Variants in DHRSX observed in about 807,000 individuals in gnomAD.
The protein encoded by DHRSX is dehydrogenase/reductase X-linked, also known as polyprenol dehydrogenase.
In DHRSX, 31 loss-of-function variants were observed where a neutral mutation model predicts 34.0. That is an observed-to-expected ratio of 0.91 (90% CI 0.69 to 1.23). DHRSX has a LOEUF of 1.23. Among genes scored for constraint, DHRSX ranks in the 50% most tolerant of loss-of-function variants. The pLI is 0.00. For missense variants in DHRSX, 414 were observed against 428.1 expected (o/e 0.97, Z 0.29); for synonymous variants, 201 against 183.8 (o/e 1.09, Z -0.76).
At chrX:2,303,793 GTGGGTGGGTGGGTGGA>G (rs1166962531) in intron 3 of DHRSX, among the ~76,000 whole-genome samples, 2 of 35,856 alleles carry the variant, frequency 5.6e-5, no homozygotes, top group African/African-American at 1.5e-4. Flanking sequence ...GGATGGATGG[GTGGGTGGGTGGGTGGA>G]TGGGTGGGTG....
chrX:2,437,117 C>A (rs1042719967), intron 1 of DHRSX, among the ~76,000 whole-genome samples: 10 of 152,096 alleles, frequency 6.6e-5, no homozygotes, highest in Admixed American at 2.6e-4. Flanking sequence ...CTTGCCTCAG[C>A]CTCCCGAGTA....
intron 3 of DHRSX, among the ~76,000 whole-genome samples, chrX:2,355,281 G>A (rs1284562912): frequency 1.3e-5 from 2 of 152,236 alleles, no homozygotes; most frequent in African/African-American, 2.4e-5. Flanking sequence ...CGAAGCCGAG[G>A]ACGACGGATT....
chrX:2,259,367 T>TATATATAGATATATATATAG (rs1018726169), intron 5 of DHRSX, among the ~76,000 whole-genome samples: 185 of 80,296 alleles, frequency 2.3e-3, no homozygotes, highest in African/African-American at 7.7e-3. Flanking sequence ...TAGATATAGA[T>TATATATAGATATATATATAG]ATATATAGAT....
At chrX:2,448,322 G>C (rs2044166536) in intron 1 of DHRSX, among the ~76,000 whole-genome samples, 1 of 152,116 alleles carries the variant, frequency 6.6e-6, no homozygotes. Context: ...GATAGGGTGA[G>C]ACTGTCTCAA....
At chrX:2,275,741 G>A (rs1327370274) in intron 4 of DHRSX, among the ~76,000 whole-genome samples, 1 of 151,272 alleles carries the variant, frequency 6.6e-6, no homozygotes, top group Non-Finnish European at 1.5e-5. Context: ...GTGAGAAGAG[G>A]TTGTGCCACT....
At chrX:2,344,617 G>C (rs1030772893) in intron 3 of DHRSX, among the ~76,000 whole-genome samples, 2 of 151,958 alleles carry the variant, frequency 1.3e-5, no homozygotes, top group African/African-American at 4.8e-5. Flanking sequence ...CACAAGAACA[G>C]AAAAGCAAAC....
At chrX:2,246,748 G>GAAAAGAAAGAAAGAA (rs2016305747) in intron 5 of DHRSX, among the ~76,000 whole-genome samples, 1 of 103,778 alleles carries the variant, frequency 9.6e-6, no homozygotes, top group Non-Finnish European at 2.3e-5. Flanking sequence ...AAGAAAGAAA[G>GAAAAGAAAGAAAGAA]AAAAAGAAAG....
At position 2,266,751 on chromosome X, in the gene DHRSX, G is replaced by A. The variant is rs146726635; in HGVS notation, c.585C>T (p.Asp195=). 3.1e-5 allele frequency: 50 copies of A among 1,613,954 alleles called. No homozygotes were observed. In the African/African-American group the frequency reaches 5.9e-4, roughly 19 times the overall value. ...THYVAELNMD[D]LQSSACYSPH... ...CAGGGTGCACCTACCTGCTCTGAAG[G>A]TCATCCATGTTCAGCTCAGCGACGT... Residue 195 remains aspartate (D), a synonymous_variant, in exon 5 of 7, where the codon GAC becomes GAT. Transcript: ENST00000334651.
At chrX:2,222,520 C>T (rs1016283535) in intron 6 of DHRSX, among the ~76,000 whole-genome samples, 10 of 152,220 alleles carry the variant, frequency 6.6e-5, no homozygotes, top group African/African-American at 2.4e-4. Context: ...CAGATATTGC[C>T]TTTGTTATGT....
intron 3 of DHRSX, among the ~76,000 whole-genome samples, chrX:2,359,246 C>G (rs868841036): frequency 3.9e-5 from 6 of 152,198 alleles, no homozygotes; most frequent in African/African-American, 1.4e-4. Flanking sequence ...AATCCCATGC[C>G]TGGGTATATA....
intron 3 of DHRSX, among the ~76,000 whole-genome samples, chrX:2,379,313 A>T (rs1165440991): frequency 1.3e-5 from 2 of 152,194 alleles, no homozygotes; most frequent in Non-Finnish European, 2.9e-5. Context: ...TCTACATGAT[A>T]AGCCGGCAAA....
intron 1 of DHRSX, among the ~76,000 whole-genome samples, chrX:2,434,133 G>A (rs1381680727): frequency 2.0e-5 from 3 of 152,152 alleles, no homozygotes; most frequent in Admixed American, 1.3e-4. Flanking sequence ...TAAAGGAAAT[G>A]AATATGCAAT....
chrX:2,349,003 T>G (rs1226600234), intron 3 of DHRSX, among the ~76,000 whole-genome samples: 1 of 152,068 alleles, frequency 6.6e-6, no homozygotes, highest in Non-Finnish European at 1.5e-5. Context: ...TGTGGGTCTC[T>G]TTTTGCACAG....
chrX:2,249,825 A>G (rs2124438674), intron 5 of DHRSX, among the ~76,000 whole-genome samples: 1 of 151,714 alleles, frequency 6.6e-6, no homozygotes, highest in South Asian at 2.1e-4. Flanking sequence ...CACCTGGCCT[A>G]TGAATATCTT....
At chrX:2,398,186 C>T (rs1170292026) in intron 3 of DHRSX, among the ~76,000 whole-genome samples, 1 of 152,120 alleles carries the variant, frequency 6.6e-6, no homozygotes, top group Non-Finnish European at 1.5e-5. Flanking sequence ...TGGATCAGGG[C>T]AACCGTGCAT....
rs147685947 is a variant in DHRSX at position 2,246,548 on chromosome X, G to A, written c.597-3318C>T. On this transcript the variant is annotated intron_variant, in intron 5 of 6. Transcript: ENST00000334651. The stretch of plus-strand genomic sequence containing the variant: ...TGAGGCAGGAGAATCACTTGAACCC[G>A]GGAGGTGGAGGTTGCAGTGACACGA... 8.1e-3 allele frequency among the ~76,000 whole-genome samples: 1,227 copies of A among 151,754 alleles called. 14 individuals are homozygous for A. Among genetic ancestry groups the A allele is most frequent in the African/African-American group, 0.028 (1,161 of 41,350 alleles).
At chrX:2,485,846 G>C (rs919305724) in intron 1 of DHRSX, among the ~76,000 whole-genome samples, 2 of 114,050 alleles carry the variant, frequency 1.8e-5, no homozygotes, top group African/African-American at 3.9e-5. Context: ...GGAAGGAAGG[G>C]AGAGAAAGAA....
chrX:2,484,352 CCT>C (rs1233928251), intron 1 of DHRSX, among the ~76,000 whole-genome samples: 2 of 152,146 alleles, frequency 1.3e-5, no homozygotes, highest in Admixed American at 6.5e-5. Flanking sequence ...AAAAATATTT[CCT>C]CTCTGACCCC....
intron 3 of DHRSX, among the ~76,000 whole-genome samples, chrX:2,397,954 ATAGATACATATGCCAACAGGCTGATCT>A (rs1244888659): frequency 0.016 from 2,349 of 148,056 alleles, 42 homozygotes; most frequent in South Asian, 0.044. Context: ...ACACACACAC[ATAGATACATATGCCAACAGGCTGATCT>A]CACACACATA....
Sources: allele counts gnomAD v4.1 joint callset (sites outside exome capture counted in the v4.1 genomes callset), GRCh38; gene constraint gnomAD v4.1.1; transcripts MANE v1.5; gene names NCBI Gene and HGNC (gene_info 2026-07-23, HGNC 2026-07-21).